C14orf132: variants seen among roughly 807,000 people sequenced by gnomAD.
C14orf132 encodes the protein chromosome 14 open reading frame 132, also known as uncharacterized protein C14orf132.
Under a neutral mutation model 5.8 loss-of-function variants are expected in C14orf132, and 6 were observed. That is an observed-to-expected ratio of 1.03 (90% CI 0.57 to 2.04). C14orf132 has a LOEUF of 2.04. Ranked by LOEUF, C14orf132 falls within the 30% of genes most tolerant of loss-of-function variation. The pLI, the probability that C14orf132 is intolerant of heterozygous loss-of-function variation, is 0.00. For synonymous variants in C14orf132, 51 were observed against 49.8 expected, an observed-to-expected ratio of 1.02 and a Z score of -0.10; for missense variants, 125 against 115.8, an observed-to-expected ratio of 1.08 and a Z score of -0.37.
In C14orf132 at chr14:96,092,095, A is replaced by T. The variant is rs545701140; in HGVS notation, c.*5360A>T. On this transcript the variant is annotated 3_prime_UTR_variant, in exon 2 of 2. Coordinates refer to ENST00000555004, the MANE Select transcript of C14orf132 (RefSeq NM_001252507.3). Reference sequence around the variant, plus strand: ...CCAAAAAGTACACAAAATGGACGCCATAAATTCTGAAATAAAAGTGTATGA... The same window carrying T: ...CCAAAAAGTACACAAAATGGACGCCTTAAATTCTGAAATAAAAGTGTATGA... 2 of 152,362 alleles carry T rather than the reference A, an allele frequency of 1.3e-5. No individual in the cohort carries two copies. The highest frequency in any genetic ancestry group is 3.9e-4 in the East Asian group (2 of 5,176). 9.4% of individuals were successfully genotyped at this position (152,362 alleles called of 1,614,324 possible).
chr14:96,074,988 G>T (rs1403001454), intron 1 of C14orf132, among the ~76,000 whole-genome samples: 2 of 152,120 alleles, frequency 1.3e-5, no homozygotes, highest in Non-Finnish European at 2.9e-5. Context: ...TGGCATTGAG[G>T]TTTTACATCA....
chr14:96,054,927 AGAG>A (rs1887134883), intron 1 of C14orf132, among the ~76,000 whole-genome samples: 2 of 152,334 alleles, frequency 1.3e-5, no homozygotes, highest in South Asian at 4.1e-4. Context: ...ACTCATTCTG[AGAG>A]GAGATCTCTC....
Position 96,081,395 on chromosome 14 carries a change from G to A in C14orf132, c.28-5116G>A, listed in dbSNP as rs534987159. On this transcript the variant is annotated intron_variant, in intron 1 of 1. Coordinates refer to ENST00000555004, the MANE Select transcript of C14orf132 (RefSeq NM_001252507.3). ...AAGAAGTGGGCCTAGATCACACCAC[G>A]AGGCAATGTTGGCCCTGGGGCTAAA... Among the ~76,000 whole-genome samples the A allele has an allele frequency of 8.5e-5, 13 of 152,260 alleles. No individual in the cohort carries two copies. In the South Asian group the frequency reaches 1.7e-3, roughly 19 times the overall value.
In C14orf132 at chr14:96,089,115, T is replaced by A. The variant is rs894334263; in HGVS notation, c.*2380T>A. On this transcript the variant is annotated 3_prime_UTR_variant, in exon 2 of 2. Transcript: ENST00000555004. ...CATCAGCTTTTTTTTTACCAGCATC[T>A]CTCAAATAACAATGAAGATAGATAT... 6.6e-6 allele frequency: 1 copy of A among 152,232 alleles called. No homozygotes were observed. The highest frequency in any genetic ancestry group is 1.5e-5 in the Non-Finnish European group (1 of 68,080). The allele number at this position is 152,232 out of a possible 1,614,324, so 9.4% of individuals were successfully genotyped here. A position where few individuals can be genotyped will look rare whatever the true frequency, so the allele number is the denominator to read the frequency against.
At position 96,090,696 on chromosome 14, in the gene C14orf132, A is replaced by T. The variant is rs1177289840; in HGVS notation, c.*3961A>T. On this transcript the variant is annotated 3_prime_UTR_variant, in exon 2 of 2. Transcript: ENST00000555004. ...TTTCAGATCCCCCAGGATCTGAGGG[A>T]GAAAGGATGGGAGGAGGGGCAGCAG... is the stretch of plus-strand genomic sequence containing the variant. 4 of 455,886 alleles carry T rather than the reference A, an allele frequency of 8.8e-6. No homozygotes were observed. Among genetic ancestry groups the T allele is most frequent in the African/African-American group, 2.0e-5 (1 of 50,042 alleles). 28.2% of individuals were successfully genotyped at this position (455,886 alleles called of 1,614,324 possible).
rs550993321 is a variant in C14orf132, at chr14:96,063,875, TA to T, written c.28-22628del. ...ACAACAAAATCAAACAAATCAGTAA[TA>T]AAAAAAATAAACAATCCCATCAAAA... On this transcript the variant is annotated intron_variant, in intron 1 of 1. Coordinates refer to ENST00000555004, the MANE Select transcript of C14orf132 (RefSeq NM_001252507.3). Among the ~76,000 whole-genome samples the T allele has an allele frequency of 5.3e-4, 80 of 151,306 alleles. 1 individual carries two copies. The South Asian group carries it at 8.2e-3, about 15-fold the overall frequency.
At chr14:96,049,529 C>T (rs1316626170) in intron 1 of C14orf132, among the ~76,000 whole-genome samples, 5 of 138,062 alleles carry the variant, frequency 3.6e-5, no homozygotes, top group Non-Finnish European at 6.2e-5. Context: ...TATATATACA[C>T]ATATATACAT....
intron 1 of C14orf132, among the ~76,000 whole-genome samples, chr14:96,045,871 T>G (rs1266102308): frequency 7.2e-5 from 11 of 152,204 alleles, no homozygotes; most frequent in African/African-American, 2.2e-4. Context: ...AGACAGTTTG[T>G]TTTTGCCCGA....
At chr14:96,042,580 A>T (rs1005099108) in intron 1 of C14orf132, among the ~76,000 whole-genome samples, 5 of 152,242 alleles carry the variant, frequency 3.3e-5, no homozygotes, top group Non-Finnish European at 7.3e-5. Context: ...AGAACACATA[A>T]GCCATTTTAG....
At chr14:96,069,030 T>C (rs915638657) in intron 1 of C14orf132, among the ~76,000 whole-genome samples, 5 of 151,664 alleles carry the variant, frequency 3.3e-5, no homozygotes, top group Non-Finnish European at 7.4e-5. Context: ...CCCCCTCAGC[T>C]CCTCTGGTTC....
chr14:96,054,921 A>G (rs1212268402), intron 1 of C14orf132, among the ~76,000 whole-genome samples: 1 of 152,196 alleles, frequency 6.6e-6, no homozygotes. Context: ...CCTTTGACTC[A>G]TTCTGAGAGG....
chr14:96,040,372 G>A, intron 1 of C14orf132: 1 of 398,454 alleles, frequency 2.5e-6, no homozygotes, highest in Non-Finnish European at 4.4e-6. Context: ...GGGAGAGTAA[G>A]TCCCAATCTA....
intron 1 of C14orf132, among the ~76,000 whole-genome samples, chr14:96,045,036 G>A (rs937149084): frequency 3.3e-5 from 5 of 152,112 alleles, no homozygotes; most frequent in African/African-American, 1.2e-4. Context: ...TTGATCTTGG[G>A]GCAGCAGTGA....
chr14:96,060,483 T>C (rs897972183), intron 1 of C14orf132, among the ~76,000 whole-genome samples: 1 of 152,190 alleles, frequency 6.6e-6, no homozygotes, highest in African/African-American at 2.4e-5. Flanking sequence ...TGTTCATTGC[T>C]TGAGTGGCTA....
At chr14:96,067,360 G>A (rs894871276) in intron 1 of C14orf132, among the ~76,000 whole-genome samples, 2 of 152,122 alleles carry the variant, frequency 1.3e-5, no homozygotes, top group African/African-American at 4.8e-5. Flanking sequence ...CCTTTTGAAA[G>A]CTTCCACTGA....
chr14:96,090,398 A>C lies in C14orf132; in HGVS notation c.*3663A>C, dbSNP rs1442616927. ...AGAACGAGACTCTGTCTCAAAAAAA[A>C]AAAAAAAGAAAAGAAAAAAAAAAAG... On this transcript the variant is annotated 3_prime_UTR_variant, in exon 2 of 2. Coordinates refer to ENST00000555004, the MANE Select transcript of C14orf132 (RefSeq NM_001252507.3). The C allele has an allele frequency of 1.0e-5, 3 of 295,908 alleles. No individual in the cohort carries two copies. The highest frequency in any genetic ancestry group is 2.0e-5 in the Non-Finnish European group (3 of 152,260). 18.3% of individuals were successfully genotyped at this position (295,908 alleles called of 1,614,324 possible).
Position 96,056,166 on chromosome 14 carries a change from C to T in C14orf132, c.27+16639C>T, listed in dbSNP as rs550853748. ...CATTCTAGCTGCTCCCCAGAGGGAA[C>T]TTATTAGAAAAAGCAAGACAATTTG... is the stretch of plus-strand genomic sequence containing the variant. On this transcript the variant is annotated intron_variant, in intron 1 of 1. Coordinates refer to ENST00000555004, the MANE Select transcript of C14orf132 (RefSeq NM_001252507.3). Among the ~76,000 whole-genome samples the T allele has an allele frequency of 3.8e-4, 58 of 152,324 alleles. 1 individual carries two copies. Among genetic ancestry groups the T allele is most frequent in the African/African-American group, 1.4e-3 (58 of 41,584 alleles).
At position 96,091,956 on chromosome 14, in the gene C14orf132, T is replaced by C. The variant is rs1357921134; in HGVS notation, c.*5221T>C. The C allele has an allele frequency of 6.6e-6, 1 of 152,236 alleles. No homozygotes were observed. The highest frequency in any genetic ancestry group is 1.5e-5 in the Non-Finnish European group (1 of 68,036). The allele number at this position is 152,236 out of a possible 1,614,324, so 9.4% of individuals were successfully genotyped here. On this transcript the variant is annotated 3_prime_UTR_variant, in exon 2 of 2. Coordinates refer to ENST00000555004, the MANE Select transcript of C14orf132 (RefSeq NM_001252507.3). The stretch of plus-strand genomic sequence containing the variant: ...CCTTGAGCATTTACTGGGTTTCTTT[T>C]TGAGGAAGAGGGAAAGTGACAAAGG...
chr14:96,050,563 C>T (rs1886997818), intron 1 of C14orf132, among the ~76,000 whole-genome samples: 1 of 152,010 alleles, frequency 6.6e-6, no homozygotes, highest in African/African-American at 2.4e-5. Context: ...AGTGGTCCCT[C>T]TCTCAAACCC....
Sources: allele counts gnomAD v4.1 joint callset (sites outside exome capture counted in the v4.1 genomes callset), GRCh38; gene constraint gnomAD v4.1.1; transcripts MANE v1.5; gene names NCBI Gene and HGNC (gene_info 2026-07-23, HGNC 2026-07-21).